Variants in ADAMTSL1 observed in about 807,000 individuals in gnomAD.
The protein encoded by ADAMTSL1 is ADAMTS-like protein 1.
In ADAMTSL1, 126 loss-of-function variants were observed where a neutral mutation model predicts 201.8. That is an observed-to-expected ratio of 0.62 (90% CI 0.54 to 0.72). The LOEUF (loss-of-function observed/expected upper bound fraction) is 0.72, where lower values mean the gene tolerates loss of function less well. Among genes scored for constraint, ADAMTSL1 ranks in the 30% least tolerant of loss-of-function variants. The pLI is 0.00. For synonymous variants in ADAMTSL1, 1,121 were observed against 903.4 expected (o/e 1.24, Z -4.32); for missense variants, 2,679 against 2,277.8 (o/e 1.18, Z -3.59).
intron 8 of ADAMTSL1, among the ~76,000 whole-genome samples, chr9:18,659,131 T>C (rs1448526159): frequency 6.6e-6 from 1 of 152,252 alleles, no homozygotes; most frequent in African/African-American, 2.4e-5. Flanking sequence ...GCCAGTTAAT[T>C]GGCTGACTTT....
chr9:18,823,523 C>A (rs1824343976), intron 21 of ADAMTSL1, among the ~76,000 whole-genome samples: 1 of 152,172 alleles, frequency 6.6e-6, no homozygotes, highest in Non-Finnish European at 1.5e-5. Flanking sequence ...TCCCTGGGTT[C>A]TCTCCCTTCT....
chr9:18,603,158 A>G (rs987600474), intron 4 of ADAMTSL1, among the ~76,000 whole-genome samples: 2 of 151,732 alleles, frequency 1.3e-5, no homozygotes, highest in African/African-American at 4.8e-5. Context: ...TCCATGATTA[A>G]ACTCTGAGAG....
chr9:18,639,278 G>GGACT lies in ADAMTSL1; in HGVS notation c.702_705dup (p.Lys236AspfsTer2). 6.2e-7 allele frequency: 1 copy of GGACT among 1,612,796 alleles called. No homozygotes were observed. Among genetic ancestry groups the GGACT allele is most frequent in the Non-Finnish European group, 8.5e-7 (1 of 1,179,244 alleles). ...GATCTGGAAACCAAAACCCTCCAGG[G>GGACT]GACTAAAGGTGAAAACAGTCTCAGC... is the stretch of plus-strand genomic sequence containing the variant. On this transcript the variant is annotated frameshift_variant, in exon 7 of 29. Coordinates refer to ENST00000380548, the MANE Select transcript of ADAMTSL1 (RefSeq NM_001040272.6). LOFTEE classifies it high-confidence loss of function.
intron 19 of ADAMTSL1, among the ~76,000 whole-genome samples, chr9:18,791,219 C>A (rs915535855): frequency 2.6e-5 from 4 of 152,214 alleles, no homozygotes; most frequent in African/African-American, 9.7e-5. Context: ...CTTTCCTTTG[C>A]CTGGCGGTGC....
At chr9:18,723,008 A>G in intron 15 of ADAMTSL1, 1 of 779,266 alleles carries the variant, frequency 1.3e-6, no homozygotes, top group South Asian at 1.4e-5. Context: ...CAGTCCTGTC[A>G]TCTAGGAAGA....
At chr9:18,773,688 C>T (rs1820823254) in intron 17 of ADAMTSL1, among the ~76,000 whole-genome samples, 1 of 152,192 alleles carries the variant, frequency 6.6e-6, no homozygotes, top group Non-Finnish European at 1.5e-5. Flanking sequence ...AGCTTAGCTT[C>T]CTTATTCCAG....
At chr9:18,025,178 A>G (rs928554651) in intron 1 of ADAMTSL1, among the ~76,000 whole-genome samples, 1 of 152,000 alleles carries the variant, frequency 6.6e-6, no homozygotes, top group African/African-American at 2.4e-5. Flanking sequence ...TCAGATGCCT[A>G]CTTTGTAAAT....
chr9:18,786,252 C>T (rs1158067938), intron 19 of ADAMTSL1, among the ~76,000 whole-genome samples: 1 of 152,140 alleles, frequency 6.6e-6, no homozygotes, highest in Non-Finnish European at 1.5e-5. Context: ...AAGCCTGTTC[C>T]CTGTTTTCCT....
chr9:17,918,668 C>G (rs1240316732), intron 1 of ADAMTSL1, among the ~76,000 whole-genome samples: 2 of 151,488 alleles, frequency 1.3e-5, no homozygotes, highest in Non-Finnish European at 3.0e-5. Context: ...ATAGAATGTT[C>G]TTTAAATGTC....
chr9:18,731,011 C>A (rs1255895767), intron 15 of ADAMTSL1, among the ~76,000 whole-genome samples: 1 of 152,160 alleles, frequency 6.6e-6, no homozygotes, highest in East Asian at 1.9e-4. Context: ...TTATTTTGAT[C>A]ATATATATGC....
chr9:17,995,291 C>T (rs545733002), intron 1 of ADAMTSL1, among the ~76,000 whole-genome samples: 3 of 152,122 alleles, frequency 2.0e-5, no homozygotes, highest in Middle Eastern at 3.4e-3. Context: ...CCAATCAAGG[C>T]GTGGGGAATC....
At chr9:17,938,226 G>C (rs1827092600) in intron 1 of ADAMTSL1, among the ~76,000 whole-genome samples, 1 of 152,092 alleles carries the variant, frequency 6.6e-6, no homozygotes, top group Non-Finnish European at 1.5e-5. Flanking sequence ...CCATGGAGCT[G>C]CTGTCAGGGA....
chr9:18,861,225 A>G (rs955843903), intron 23 of ADAMTSL1, among the ~76,000 whole-genome samples: 1 of 152,190 alleles, frequency 6.6e-6, no homozygotes, highest in African/African-American at 2.4e-5. Context: ...TAGACCCTCC[A>G]CCTTCATGCA....
chr9:18,590,566 AGTTT>A (rs1370011600), intron 4 of ADAMTSL1, among the ~76,000 whole-genome samples: 1 of 151,498 alleles, frequency 6.6e-6, no homozygotes, highest in African/African-American at 2.4e-5. Flanking sequence ...TTTAGGGTTT[AGTTT>A]GTTCTTTTTT....
At chr9:18,643,408 G>A (rs1407048693) in intron 7 of ADAMTSL1, among the ~76,000 whole-genome samples, 1 of 151,956 alleles carries the variant, frequency 6.6e-6, no homozygotes, top group South Asian at 2.1e-4. Context: ...CTGTGCAGAA[G>A]CTTTTTAGTT....
intron 2 of ADAMTSL1, among the ~76,000 whole-genome samples, chr9:18,225,445 AG>A (rs1830405272): frequency 6.6e-6 from 1 of 152,190 alleles, no homozygotes; most frequent in East Asian, 1.9e-4. Context: ...TAATAATGTG[AG>A]TAAGGATTTT....
At chr9:18,090,106 AAAAG>A (rs202005088) in intron 1 of ADAMTSL1, among the ~76,000 whole-genome samples, 1,764 of 152,318 alleles carry the variant, frequency 0.012, 11 homozygotes, top group Non-Finnish European at 0.017. Flanking sequence ...ATGAAAAAGA[AAAAG>A]AAAGTAAGTA....
intron 1 of ADAMTSL1, among the ~76,000 whole-genome samples, chr9:18,500,622 C>G (rs999102582): frequency 1.3e-5 from 2 of 152,150 alleles, no homozygotes; most frequent in African/African-American, 4.8e-5. Context: ...AGCCAAAACT[C>G]AGGCGCTTCT....
At chr9:18,019,271 G>T (rs1242943226) in intron 1 of ADAMTSL1, among the ~76,000 whole-genome samples, 1 of 152,016 alleles carries the variant, frequency 6.6e-6, no homozygotes, top group Non-Finnish European at 1.5e-5. Flanking sequence ...TAATTTGGGG[G>T]AAGGATTGTT....
Sources: allele counts gnomAD v4.1 joint callset (sites outside exome capture counted in the v4.1 genomes callset), GRCh38; gene constraint gnomAD v4.1.1; transcripts MANE v1.5; gene names NCBI Gene and HGNC (gene_info 2026-07-23, HGNC 2026-07-21).